GAB1: variants seen among roughly 807,000 people sequenced by gnomAD.
The protein encoded by GAB1 is GRB2-associated-binding protein 1.
A neutral mutation model predicts 66.5 loss-of-function variants in GAB1; 19 were observed. That is an observed-to-expected ratio of 0.29 (90% CI 0.20 to 0.42). GAB1 has a LOEUF of 0.42. GAB1 is among the 10% of genes least tolerant of loss of function. The pLI is 1.00. For synonymous variants in GAB1, 294 were observed against 301.4 expected, an observed-to-expected ratio of 0.98 and a Z score of 0.25; for missense variants, 732 against 858.5, an observed-to-expected ratio of 0.85 and a Z score of 1.84.
In GAB1 at chr4:143,466,219, A is replaced by G; in HGVS notation, c.1920A>G (p.Pro640=). 1.2e-6 allele frequency: 2 copies of G among 1,613,536 alleles called. No individual in the cohort carries two copies. ...LDLDSGKSTP[P]RKQKSSGSGS... is the part of the protein sequence containing the mutation. ...TAGATTCTGGGAAATCCACACCACC[A>G]CGTAAGGTGAGTGACATGTGACATG... The change falls in exon 9 of 10, where the codon CCA becomes CCG. Residue 640 remains proline, a synonymous_variant. Transcript: ENST00000262994.
At chr4:143,450,139 G>A (rs1296100603) in intron 6 of GAB1, among the ~76,000 whole-genome samples, 1 of 152,120 alleles carries the variant, frequency 6.6e-6, no homozygotes, top group African/African-American at 2.4e-5. Context: ...GAGCCTTAAT[G>A]TGGGGTTTTT....
chr4:143,468,239 G>T (rs2149801429), intron 9 of GAB1, among the ~76,000 whole-genome samples: 1 of 134,258 alleles, frequency 7.4e-6, no homozygotes, highest in South Asian at 2.4e-4. Flanking sequence ...TTTTTGGACG[G>T]AGTCTTGCTC....
intron 1 of GAB1, among the ~76,000 whole-genome samples, chr4:143,406,417 C>T (rs1732045188): frequency 6.6e-6 from 1 of 152,190 alleles, no homozygotes; most frequent in Admixed American, 6.5e-5. Context: ...ACATTTGCAC[C>T]ACCTCTGCCT....
intron 5 of GAB1, 55 bp from the exon 6 acceptor site, chr4:143,440,023 GT>G: frequency 6.6e-7 from 1 of 1,512,296 alleles, no homozygotes; most frequent in Non-Finnish European, 9.1e-7. Flanking sequence ...TTACAATTGT[GT>G]TTTCATGTGT....
chr4:143,416,145 C>T lies in GAB1; in HGVS notation c.367+374C>T, dbSNP rs529142818. 3.3e-5 allele frequency among the ~76,000 whole-genome samples: 5 copies of T among 152,344 alleles called. No homozygotes were observed. The East Asian group carries it at 9.6e-4, about 29-fold the overall frequency. ...ATTTGGCCGGGCGCGGTGGCTCATG[C>T]CTGCAATCCCAGCACTCTGGGAGGC... On this transcript the variant is annotated intron_variant, in intron 2 of 9. Transcript: ENST00000262994.
intron 1 of GAB1, among the ~76,000 whole-genome samples, chr4:143,379,437 T>G (rs1730565512): frequency 6.6e-6 from 1 of 152,072 alleles, no homozygotes; most frequent in African/African-American, 2.4e-5. Flanking sequence ...GATGCTCTGT[T>G]CTCCAGGTAC....
intron 1 of GAB1, among the ~76,000 whole-genome samples, chr4:143,355,438 C>T (rs979115895): frequency 5.3e-5 from 8 of 151,904 alleles, no homozygotes; most frequent in Non-Finnish European, 1.0e-4. Flanking sequence ...AACAAAACAA[C>T]AACAACAACA....
intron 6 of GAB1, among the ~76,000 whole-genome samples, chr4:143,450,759 C>G (rs779927441): frequency 6.6e-6 from 1 of 151,920 alleles, no homozygotes; most frequent in African/African-American, 2.4e-5. Flanking sequence ...GGCGTGGTGG[C>G]GCATGCCTGT....
rs965415206 is a variant in GAB1 at position 143,472,927 on chromosome 4, G to C, written c.*3738G>C. On this transcript the variant is annotated 3_prime_UTR_variant, in exon 10 of 10. Coordinates refer to ENST00000262994, the MANE Select transcript of GAB1 (RefSeq NM_002039.4). ...AGCCATGGTATAAATGAATATTGTG[G>C]ACATCATGGACTTGATATGATAGAA... The C allele has an allele frequency of 6.6e-6, 1 of 152,252 alleles. No individual in the cohort carries two copies. Among genetic ancestry groups the C allele is most frequent in the East Asian group, 1.9e-4 (1 of 5,188 alleles). The allele number at this position is 152,252 out of a possible 1,614,324, so 9.4% of individuals were successfully genotyped here.
At chr4:143,417,409 ATTATT>A (rs755405534) in intron 2 of GAB1, 5 of 427,882 alleles carry the variant, frequency 1.2e-5, no homozygotes, top group South Asian at 8.5e-5. Flanking sequence ...TATTATTATT[ATTATT>A]TTCTTTTTTT....
chr4:143,472,771 CAT>C lies in GAB1; in HGVS notation c.*3585_*3586del, dbSNP rs1330041871. 1 of 152,070 alleles carries C rather than the reference CAT, an allele frequency of 6.6e-6. No individual in the cohort carries two copies. Among genetic ancestry groups the C allele is most frequent in the Non-Finnish European group, 1.5e-5 (1 of 68,002 alleles). 9.4% of individuals were successfully genotyped at this position (152,070 alleles called of 1,614,324 possible). A position where few individuals can be genotyped will look rare whatever the true frequency, so the allele number is the denominator to read the frequency against. On this transcript the variant is annotated 3_prime_UTR_variant, in exon 10 of 10. Coordinates refer to ENST00000262994, the MANE Select transcript of GAB1 (RefSeq NM_002039.4). ...AATCAGGTCCGTGACAGGGATTGGA[CAT>C]ATGAACAAATTAAGTGGATACACAC...
At chr4:143,384,674 C>T (rs1422652001) in intron 1 of GAB1, among the ~76,000 whole-genome samples, 1 of 152,196 alleles carries the variant, frequency 6.6e-6, no homozygotes, top group Non-Finnish European at 1.5e-5. Flanking sequence ...TTCCCTTCTG[C>T]TGGTGTATTT....
intron 1 of GAB1, among the ~76,000 whole-genome samples, chr4:143,412,441 G>A (rs939788719): frequency 2.8e-5 from 4 of 143,664 alleles, no homozygotes; most frequent in Non-Finnish European, 5.9e-5. Context: ...TACTCTCTCA[G>A]GAGAATTCTG....
intron 1 of GAB1, among the ~76,000 whole-genome samples, chr4:143,351,951 A>G (rs1163796424): frequency 6.6e-6 from 1 of 152,226 alleles, no homozygotes; most frequent in Non-Finnish European, 1.5e-5. Flanking sequence ...GGATTGTGTC[A>G]TAGCACCGGA....
chr4:143,431,801 A>G (rs919444715), intron 2 of GAB1, among the ~76,000 whole-genome samples: 9 of 152,222 alleles, frequency 5.9e-5, no homozygotes, highest in African/African-American at 2.2e-4. Flanking sequence ...GCTACTGACC[A>G]TACAGAAAGA....
At chr4:143,411,585 C>T (rs1420819027) in intron 1 of GAB1, among the ~76,000 whole-genome samples, 1 of 152,198 alleles carries the variant, frequency 6.6e-6, no homozygotes, top group Non-Finnish European at 1.5e-5. Context: ...ACGGCTTTCT[C>T]TGGAGCTACC....
At chr4:143,408,987 A>G (rs1238360046) in intron 1 of GAB1, among the ~76,000 whole-genome samples, 1 of 152,214 alleles carries the variant, frequency 6.6e-6, no homozygotes, top group Non-Finnish European at 1.5e-5. Flanking sequence ...CTATCTGGAC[A>G]AGGTATACTT....
intron 1 of GAB1, among the ~76,000 whole-genome samples, chr4:143,381,078 G>C (rs1186534820): frequency 6.6e-6 from 1 of 152,212 alleles, no homozygotes; most frequent in African/African-American, 2.4e-5. Flanking sequence ...ACCTGTGACT[G>C]AGGAGGCAGG....
chr4:143,364,798 A>G (rs573362041), intron 1 of GAB1, among the ~76,000 whole-genome samples: 3 of 150,256 alleles, frequency 2.0e-5, no homozygotes, highest in Admixed American at 2.0e-4. Context: ...GGCCTGCACT[A>G]GTTGGCATCG....
Sources: gnomAD v4.1 joint callset for allele counts (sites outside exome capture counted in the v4.1 genomes callset) on GRCh38, gnomAD v4.1.1 for gene constraint, MANE v1.5 for transcripts, NCBI Gene and HGNC (gene_info 2026-07-23, HGNC 2026-07-21) for gene names.